Variants in PTPRH observed in about 807,000 individuals in gnomAD.
PTPRH encodes the protein protein tyrosine phosphatase receptor type H.
In PTPRH, 113 loss-of-function variants were observed where a neutral mutation model predicts 130.2. That is an observed-to-expected ratio of 0.87 (90% CI 0.75 to 1.01). The LOEUF (loss-of-function observed/expected upper bound fraction) is 1.01, where lower values mean the gene tolerates loss of function less well. PTPRH is among the 50% of genes least tolerant of loss of function. The pLI is 0.00. For synonymous variants in PTPRH, 556 were observed against 577.9 expected (o/e 0.96, Z 0.54); for missense variants, 1,430 against 1,425.0 (o/e 1.00, Z -0.06).
chr19:55,184,805 T>A (rs2086271254), intron 18 of PTPRH, among the ~76,000 whole-genome samples: 1 of 150,652 alleles, frequency 6.6e-6, no homozygotes, highest in Admixed American at 6.6e-5. Flanking sequence ...TAAAATAAAA[T>A]AATAAAATAA....
At chr19:55,202,798 G>A (rs2086907152) in intron 5 of PTPRH, among the ~76,000 whole-genome samples, 2 of 152,132 alleles carry the variant, frequency 1.3e-5, no homozygotes, top group Non-Finnish European at 2.9e-5. Context: ...CAGCACTTTG[G>A]GAGGCTGAGG....
Position 55,186,323 on chromosome 19 carries a change from C to A in PTPRH, c.2680G>T (p.Gly894Cys). 3 of 1,614,052 alleles carry A rather than the reference C, an allele frequency of 1.9e-6. No individual in the cohort carries two copies. Among genetic ancestry groups the A allele is most frequent in the Non-Finnish European group, 2.5e-6 (3 of 1,179,956 alleles). Reference sequence around the variant, plus strand: ...TCACCCACTGTCTGTGGCAGGGGACCCTGGGTTGCAATGAACTCCTGGGGG... The same window carrying A: ...TCACCCACTGTCTGTGGCAGGGGACACTGGGTTGCAATGAACTCCTGGGGG... ...WSPQEFIATQGPLPQTVGDFW... is the reference protein window; with the variant it reads ...WSPQEFIATQCPLPQTVGDFW... Residue 894 changes from glycine (G) to cysteine (C), a missense_variant, in exon 16 of 20, where the codon GGT becomes TGT. Physicochemically the swap from Gly to Cys is radical, Grantham distance 159. Coordinates refer to ENST00000376350, the MANE Select transcript of PTPRH (RefSeq NM_002842.5).
chr19:55,207,615 G>C (rs1568932245), intron 1 of PTPRH, among the ~76,000 whole-genome samples: 1 of 150,082 alleles, frequency 6.7e-6, no homozygotes, highest in Non-Finnish European at 1.5e-5. Flanking sequence ...GGAGGGGCTG[G>C]GGGTCTCGAC....
intron 10 of PTPRH, among the ~76,000 whole-genome samples, chr19:55,195,440 T>C (rs1259840123): frequency 6.6e-6 from 1 of 152,252 alleles, no homozygotes. Context: ...TAGCAGAGGT[T>C]GCAGTGAGCA....
At chr19:55,194,507 C>T (rs539932180) in intron 10 of PTPRH, among the ~76,000 whole-genome samples, 253 of 152,264 alleles carry the variant, frequency 1.7e-3, no homozygotes, top group African/African-American at 5.8e-3. Context: ...CACATCAACC[C>T]TCAGTCTCTC....
chr19:55,207,053 C>T (rs2087089092), intron 2 of PTPRH, 98 bp from the exon 3 acceptor site: 2 of 1,559,184 alleles, frequency 1.3e-6, no homozygotes, highest in Admixed American at 1.9e-5. Flanking sequence ...AACAACGGCG[C>T]TCATAAACCC....
At chr19:55,194,006 G>A (rs948584344) in intron 10 of PTPRH, 44 of 417,180 alleles carry the variant, frequency 1.1e-4, no homozygotes, top group Admixed American at 2.3e-4. Flanking sequence ...GCGCCACCAC[G>A]CCCAGCTAAT....
Position 55,200,530 on chromosome 19 carries a change from T to C in PTPRH, c.1154-28A>G, listed in dbSNP as rs1333259251. On this transcript the variant is annotated intron_variant, in intron 6 of 19. Coordinates refer to ENST00000376350, the MANE Select transcript of PTPRH (RefSeq NM_002842.5). ...GAGAAAGTAGGAAGAAGATCCTATG[T>C]TGTCGGAGATACAGAACAGAACGGG... 5.0e-6 allele frequency: 8 copies of C among 1,610,316 alleles called. No individual in the cohort carries two copies. The South Asian group carries it at 7.7e-5, about 16-fold the overall frequency.
chr19:55,185,099 A>C (rs1347384216), intron 18 of PTPRH, among the ~76,000 whole-genome samples: 1 of 150,896 alleles, frequency 6.6e-6, no homozygotes, highest in Non-Finnish European at 1.5e-5. Flanking sequence ...GGTTCAAGTG[A>C]TTCTCCTGCC....
chr19:55,193,445 G>A (rs1035409099), intron 10 of PTPRH, among the ~76,000 whole-genome samples: 1 of 151,948 alleles, frequency 6.6e-6, no homozygotes, highest in South Asian at 2.1e-4. Flanking sequence ...AGAACAAAAC[G>A]AAACAAAACA....
chr19:55,190,205 C>T (rs956779983), intron 12 of PTPRH, among the ~76,000 whole-genome samples: 1 of 150,984 alleles, frequency 6.6e-6, no homozygotes, highest in Non-Finnish European at 1.5e-5. Flanking sequence ...ACTGTCTCTA[C>T]TAAAAAATAC....
rs2087078942 is a variant in PTPRH at position 55,206,855 on chromosome 19, G to T, written c.186C>A (p.Asn62Lys). 1.2e-6 allele frequency: 2 copies of T among 1,614,192 alleles called. No homozygotes were observed. The highest frequency in any genetic ancestry group is 2.7e-5 in the African/African-American group (2 of 75,062). Residue 62 changes from asparagine (N) to lysine (K), a missense_variant, in exon 3 of 20, where the codon AAC becomes AAA. Asn to Lys is a moderately conservative substitution (Grantham distance 94, BLOSUM62 0). Transcript: ENST00000376350. ...CGTCTCCAGTACACTGAACCCAGTA[G>T]TTGGAGTTCTGTGAGTCTAGGCCAT... ...VPDGLDSQNS[N>K]YWVQCTGDGG...
chr19:55,198,980 C>T (rs17782295), intron 7 of PTPRH, 68 bp from the exon 8 acceptor site: 75,094 of 1,376,836 alleles, frequency 0.055, 5,178 homozygotes, highest in Admixed American at 0.32. Flanking sequence ...CACAGTGATA[C>T]GCCCTGTCCT....
At chr19:55,191,272 A>G (rs2086526797) in intron 12 of PTPRH, among the ~76,000 whole-genome samples, 1 of 152,202 alleles carries the variant, frequency 6.6e-6, no homozygotes. Flanking sequence ...ATATCTGCTG[A>G]ATGAATGAAT....
At chr19:55,193,739 G>A (rs1600024354) in intron 10 of PTPRH, among the ~76,000 whole-genome samples, 1 of 152,148 alleles carries the variant, frequency 6.6e-6, no homozygotes, top group South Asian at 2.1e-4. Context: ...TGGCATGGAC[G>A]GCTTCTGTTC....
rs980238181 is a variant in PTPRH, at chr19:55,209,091, A to G, written c.51+292T>C. ...GTTGCCTGAAGCCAGTGTCCCCCGC[A>G]GCAGACACGACAGTGTCTAAGGGCC... is the stretch of plus-strand genomic sequence containing the variant. On this transcript the variant is annotated intron_variant, in intron 1 of 19. Transcript: ENST00000376350. The surrounding 1 kb of genome is among the most constrained non-coding windows in gnomAD (Gnocchi z 4.1). 2.0e-5 allele frequency among the ~76,000 whole-genome samples: 3 copies of G among 151,880 alleles called. No individual in the cohort carries two copies. The highest frequency in any genetic ancestry group is 6.6e-5 in the Admixed American group (1 of 15,264).
Position 55,209,299 on chromosome 19 carries a change from A to G in PTPRH, c.51+84T>C, listed in dbSNP as rs2087167759. ...GATCTTCAGCACCTACTTCCTCAAGATCGAGGTGCAGGCACCCAGCTCCTT... is the reference window on the plus strand; with the variant it reads ...GATCTTCAGCACCTACTTCCTCAAGGTCGAGGTGCAGGCACCCAGCTCCTT... On this transcript the variant is annotated intron_variant, in intron 1 of 19. Transcript: ENST00000376350. The surrounding 1 kb of genome is among the most constrained non-coding windows in gnomAD (Gnocchi z 4.1). 18 of 1,192,194 alleles carry G rather than the reference A, an allele frequency of 1.5e-5. 1 individual carries two copies. The highest frequency in any genetic ancestry group is 4.5e-5 in the African/African-American group (3 of 66,112). 73.9% of individuals were successfully genotyped at this position (1,192,194 alleles called of 1,614,324 possible).
In PTPRH at chr19:55,185,845, G is replaced by C; in HGVS notation, c.2901+17C>G. Reference sequence around the variant, plus strand: ...CAGGGGAAGGCTGAGGGCCAGGACGGGGCTGGACACACGCACCTGGAGGAG... The same window carrying C: ...CAGGGGAAGGCTGAGGGCCAGGACGCGGCTGGACACACGCACCTGGAGGAG... On this transcript the variant is annotated intron_variant, in intron 17 of 19. Coordinates refer to ENST00000376350, the MANE Select transcript of PTPRH (RefSeq NM_002842.5). The C allele has an allele frequency of 1.9e-6, 3 of 1,614,072 alleles. No homozygotes were observed. The highest frequency in any genetic ancestry group is 2.5e-6 in the Non-Finnish European group (3 of 1,180,010).
At position 55,209,425 on chromosome 19, in the gene PTPRH, C is replaced by T. The variant is rs1345574283; in HGVS notation, c.9G>A (p.Gly3=). Residue 3 remains glycine, a synonymous_variant, in exon 1 of 20, where the codon GGG becomes GGA. Coordinates refer to ENST00000376350, the MANE Select transcript of PTPRH (RefSeq NM_002842.5). The surrounding 1 kb of genome is among the most constrained non-coding windows in gnomAD (Gnocchi z 4.1). MA[G]AGGGLGVWGN... is the part of the protein sequence containing the mutation. ...CCCAGACCCCGAGGCCCCCGCCAGC[C>T]CCAGCCATGCCTCCAGACACTGCCG... 2 of 1,557,064 alleles carry T rather than the reference C, an allele frequency of 1.3e-6. No homozygotes were observed. Among genetic ancestry groups the T allele is most frequent in the East Asian group, 2.4e-5 (1 of 41,990 alleles).
Sources: allele counts gnomAD v4.1 joint callset (sites outside exome capture counted in the v4.1 genomes callset), GRCh38; gene constraint gnomAD v4.1.1; non-coding constraint Gnocchi (gnomAD v3.1); transcripts MANE v1.5; gene names NCBI Gene and HGNC (gene_info 2026-07-23, HGNC 2026-07-21).